SUGCT: variants seen among roughly 807,000 people sequenced by gnomAD.
SUGCT encodes succinyl-CoA:glutarate CoA-transferase.
A neutral mutation model predicts 55.0 loss-of-function variants in SUGCT; 41 were observed. The observed-to-expected ratio is 0.74, with a 90% confidence interval of 0.58 to 0.97. SUGCT has a LOEUF of 0.97. Among genes scored for constraint, SUGCT ranks in the 50% least tolerant of loss-of-function variants. SUGCT has a pLI of 0.00. For synonymous variants in SUGCT, 187 were observed against 200.4 expected, an observed-to-expected ratio of 0.93 and a Z score of 0.56; for missense variants, 568 against 547.8, an observed-to-expected ratio of 1.04 and a Z score of -0.37.
intron 12 of SUGCT, among the ~76,000 whole-genome samples, chr7:40,644,034 C>T (rs1800385131): frequency 6.6e-6 from 1 of 152,158 alleles, no homozygotes; most frequent in Non-Finnish European, 1.5e-5. Context: ...GGTAGGAAGT[C>T]TGATCGTGAC....
At chr7:40,436,895 T>A (rs1788206617) in intron 9 of SUGCT, among the ~76,000 whole-genome samples, 1 of 152,120 alleles carries the variant, frequency 6.6e-6, no homozygotes, top group African/African-American at 2.4e-5. Context: ...ATCAATATGG[T>A]CTCTTGTCTA....
At chr7:40,821,830 C>T (rs1054007232) in intron 13 of SUGCT, among the ~76,000 whole-genome samples, 1 of 152,112 alleles carries the variant, frequency 6.6e-6, no homozygotes, top group African/African-American at 2.4e-5. Context: ...TTTGCTCTTG[C>T]TTCTCTAGTT....
At chr7:40,514,976 C>G (rs762180651) in intron 12 of SUGCT, among the ~76,000 whole-genome samples, 1 of 152,076 alleles carries the variant, frequency 6.6e-6, no homozygotes, top group African/African-American at 2.4e-5. Flanking sequence ...AGAGAGGTCT[C>G]GTGGACTTCT....
the SUGCT span, among the ~76,000 whole-genome samples, chr7:40,893,194 A>G: frequency 6.6e-6 from 1 of 152,172 alleles, no homozygotes; most frequent in African/African-American, 2.4e-5. Flanking sequence ...ATAGTAACAG[A>G]AAAAGAAATA....
At chr7:40,395,382 G>A (rs1391438229) in intron 9 of SUGCT, among the ~76,000 whole-genome samples, 6 of 150,714 alleles carry the variant, frequency 4.0e-5, no homozygotes, top group Non-Finnish European at 7.4e-5. Flanking sequence ...CCAGCTACTT[G>A]GGAGGCTGAG....
chr7:40,155,052 C>T (rs574200567), intron 1 of SUGCT, among the ~76,000 whole-genome samples: 12 of 152,190 alleles, frequency 7.9e-5, no homozygotes, highest in South Asian at 2.1e-4. Context: ...TTTGGGAGGC[C>T]GAGGTGGGTG....
At chr7:40,709,384 T>C (rs1785586563) in intron 12 of SUGCT, among the ~76,000 whole-genome samples, 2 of 152,346 alleles carry the variant, frequency 1.3e-5, no homozygotes, top group South Asian at 2.1e-4. Flanking sequence ...GAGCAGTCTT[T>C]AGGAAAATCC....
chr7:40,714,476 G>GT (rs143764089), intron 12 of SUGCT, among the ~76,000 whole-genome samples: 4,294 of 152,256 alleles, frequency 0.028, 218 homozygotes, highest in African/African-American at 0.097. Flanking sequence ...TTCTGCTGTA[G>GT]TTTCTGTTTA....
At chr7:40,698,135 T>C (rs1017666503) in intron 12 of SUGCT, among the ~76,000 whole-genome samples, 4 of 151,982 alleles carry the variant, frequency 2.6e-5, no homozygotes, top group Non-Finnish European at 4.4e-5. Flanking sequence ...GGAGGAGAGA[T>C]GGTAAGATGG....
chr7:40,177,082 T>C (rs1009614886), intron 1 of SUGCT, among the ~76,000 whole-genome samples: 2 of 152,178 alleles, frequency 1.3e-5, no homozygotes, highest in Admixed American at 6.5e-5. Context: ...TAGGTTGTTA[T>C]TATATTGTTT....
chr7:40,690,539 T>C (rs1784648342), intron 12 of SUGCT, among the ~76,000 whole-genome samples: 1 of 152,116 alleles, frequency 6.6e-6, no homozygotes, highest in African/African-American at 2.4e-5. Context: ...ATTAATGGAA[T>C]AGCAAGATAT....
chr7:40,481,471 A>G (rs545969066), intron 11 of SUGCT, among the ~76,000 whole-genome samples: 1 of 152,014 alleles, frequency 6.6e-6, no homozygotes, highest in South Asian at 2.1e-4. Flanking sequence ...TAATTTTATC[A>G]TTACCTATGT....
chr7:40,613,064 C>T (rs771599889), intron 12 of SUGCT, among the ~76,000 whole-genome samples: 16 of 151,964 alleles, frequency 1.1e-4, no homozygotes, highest in Non-Finnish European at 2.1e-4. Context: ...ACCCAGGAGG[C>T]GGAGGTTGCA....
At chr7:40,321,749 A>G (rs1366839963) in intron 9 of SUGCT, among the ~76,000 whole-genome samples, 2 of 152,164 alleles carry the variant, frequency 1.3e-5, no homozygotes, top group African/African-American at 4.8e-5. Flanking sequence ...TGTTGCTGCA[A>G]ACGATATGAT....
chr7:40,995,471 T>C, the SUGCT span, among the ~76,000 whole-genome samples: 1 of 151,854 alleles, frequency 6.6e-6, no homozygotes, highest in Non-Finnish European at 1.5e-5. Context: ...TTGTTTACTA[T>C]TATATCCTCT....
the SUGCT span, chr7:40,966,845 A>C: frequency 6.6e-6 from 1 of 152,212 alleles, no homozygotes; most frequent in Non-Finnish European, 1.5e-5. Context: ...TTGGAAAATG[A>C]CTCATGGTTT....
intron 12 of SUGCT, among the ~76,000 whole-genome samples, chr7:40,572,330 A>G (rs978689680): frequency 1.3e-5 from 2 of 152,158 alleles, no homozygotes; most frequent in Admixed American, 6.5e-5. Flanking sequence ...GAAATTCCGC[A>G]GGGCTTAGAG....
At chr7:40,606,127 A>T (rs565521554) in intron 12 of SUGCT, among the ~76,000 whole-genome samples, 1 of 152,348 alleles carries the variant, frequency 6.6e-6, no homozygotes, top group African/African-American at 2.4e-5. Flanking sequence ...AAATAGCAAC[A>T]GGAAGCTGTC....
intron 12 of SUGCT, among the ~76,000 whole-genome samples, chr7:40,695,904 C>G (rs1047309522): frequency 3.9e-5 from 6 of 152,056 alleles, no homozygotes; most frequent in African/African-American, 1.4e-4. Flanking sequence ...AGTTAAGAAC[C>G]ATTATGTTAA....
Sources: allele counts gnomAD v4.1 joint callset (sites outside exome capture counted in the v4.1 genomes callset), GRCh38; gene constraint gnomAD v4.1.1; transcripts MANE v1.5; gene names NCBI Gene and HGNC (gene_info 2026-07-23, HGNC 2026-07-21).